Variants in NUDT14 observed in about 807,000 individuals in gnomAD.
The protein encoded by NUDT14 is uridine diphosphate glucose pyrophosphatase NUDT14.
A neutral mutation model predicts 17.5 loss-of-function variants in NUDT14; 22 were observed. The ratio of observed to expected loss-of-function variants is 1.26; its 90% CI spans 0.90 to 1.80. The LOEUF (loss-of-function observed/expected upper bound fraction) is 1.80. Ranked by LOEUF, NUDT14 falls within the 40% of genes most tolerant of loss-of-function variation. The pLI is 0.00. For missense variants in NUDT14, 296 were observed against 295.6 expected, an observed-to-expected ratio of 1.00 and a Z score of -0.01; for synonymous variants, 129 against 125.8, an observed-to-expected ratio of 1.03 and a Z score of -0.17.
chr14:105,177,253 T>C, intron 2 of NUDT14: 2 of 647,130 alleles, frequency 3.1e-6, no homozygotes, highest in East Asian at 5.6e-5. Context: ...GCTGGCAGGA[T>C]GGGAGGCGGG....
At chr14:105,176,390 G>A (rs1264548939) in intron 4 of NUDT14, 144 bp downstream of exon 4, 1 of 720,870 alleles carries the variant, frequency 1.4e-6, no homozygotes. Flanking sequence ...TAGGAGCTGA[G>A]GCGCATTCGG....
In NUDT14 at chr14:105,173,481, C is replaced by T. The variant is rs934320980; in HGVS notation, c.429-220G>A. On this transcript the variant is annotated intron_variant, in intron 4 of 4. Coordinates refer to ENST00000392568, the MANE Select transcript of NUDT14 (RefSeq NM_177533.5). The surrounding 1 kb of genome is among the most constrained non-coding windows in gnomAD (Gnocchi z 4.7). ...CCTTCCCTGATCACGTTGTACTCGCCAGGTGGGGTGGGTGTTGTCGATGTG... is the reference window on the plus strand; with the variant it reads ...CCTTCCCTGATCACGTTGTACTCGCTAGGTGGGGTGGGTGTTGTCGATGTG... The T allele has an allele frequency of 7.6e-5, 32 of 421,188 alleles. No homozygotes were observed. The highest frequency in any genetic ancestry group is 6.1e-4 in the African/African-American group (30 of 49,122). 26.1% of individuals were successfully genotyped at this position (421,188 alleles called of 1,614,324 possible).
At chr14:105,178,872 T>C (rs774110134) in intron 1 of NUDT14, among the ~76,000 whole-genome samples, 1 of 152,108 alleles carries the variant, frequency 6.6e-6, no homozygotes, top group African/African-American at 2.4e-5. Flanking sequence ...AAAGGCGTCC[T>C]GGGAGGAGAG....
intron 4 of NUDT14, chr14:105,175,698 C>G: frequency 1.0e-6 from 1 of 998,740 alleles, no homozygotes. Context: ...CCGTGCCTGG[C>G]CCAGCGTGGA....
chr14:105,173,140 G>C lies in NUDT14; in HGVS notation c.550C>G (p.Leu184Val). 2 of 1,609,732 alleles carry C rather than the reference G, an allele frequency of 1.2e-6. No individual in the cohort carries two copies. The highest frequency in any genetic ancestry group is 1.7e-6 in the Non-Finnish European group (2 of 1,178,656). Residue 184 changes from leucine to valine, a missense_variant, in exon 5 of 5, where the codon CTG becomes GTG. By Grantham distance (32) the Leu-to-Val change is conservative (BLOSUM62 1). Coordinates refer to ENST00000392568, the MANE Select transcript of NUDT14 (RefSeq NM_177533.5). The surrounding 1 kb of genome is among the most constrained non-coding windows in gnomAD (Gnocchi z 4.7). The stretch of plus-strand genomic sequence containing the variant: ...AAGGCCTGGGCGCCTTCCAGGGGCA[G>C]GTGCACCACCTCAATGAGCTCACCC... ...EEGELIEVVHLPLEGAQAFAD... is the reference protein window; with the variant it reads ...EEGELIEVVHVPLEGAQAFAD...
At chr14:105,179,458 C>G (rs1889283346) in intron 1 of NUDT14, among the ~76,000 whole-genome samples, 1 of 152,268 alleles carries the variant, frequency 6.6e-6, no homozygotes, top group Non-Finnish European at 1.5e-5. Flanking sequence ...CCCGAACCAG[C>G]TCAGCTCTGG....
intron 4 of NUDT14, among the ~76,000 whole-genome samples, chr14:105,174,687 C>G (rs587757334): frequency 6.6e-6 from 1 of 152,232 alleles, no homozygotes; most frequent in Non-Finnish European, 1.5e-5. Context: ...TTTCCAGCCC[C>G]GGTTTCCGCC....
chr14:105,176,051 G>GCCT, intron 4 of NUDT14: 4 of 1,192,504 alleles, frequency 3.4e-6, no homozygotes, highest in South Asian at 1.5e-5. Flanking sequence ...ACCCCAGCTG[G>GCCT]CAGCCCTCGC....
At position 105,176,700 on chromosome 14, in the gene NUDT14, C is replaced by T. The variant is rs1019049412; in HGVS notation, c.262G>A (p.Glu88Lys). The part of the protein sequence containing the change: ...LAAVDQDGPR[E>K]LQPALPGSAG... ...GAGCCGGGCAGGGCTGGCTGTAGCT[C>T]CCGAGGCCCGTCCTGGTCTACAGCT... is the stretch of plus-strand genomic sequence containing the variant. The change falls in exon 4 of 5, where the codon GAG becomes AAG. Residue 88 changes from glutamate (E) to lysine (K), a missense_variant. Transcript: ENST00000392568. 1.8e-5 allele frequency: 29 copies of T among 1,612,650 alleles called. No individual in the cohort carries two copies. Among genetic ancestry groups the T allele is most frequent in the Middle Eastern group, 1.6e-4 (1 of 6,084 alleles).
rs916765731 is a variant in NUDT14, at chr14:105,173,430, C to A, written c.429-169G>T. The stretch of plus-strand genomic sequence containing the variant: ...CGGATTCCCACCTGGTGTGCACGCC[C>A]GTGGCCCCTCCCGCAGCAGGGCATC... On this transcript the variant is annotated intron_variant, in intron 4 of 4. Coordinates refer to ENST00000392568, the MANE Select transcript of NUDT14 (RefSeq NM_177533.5). This position sits in a 1 kb window ranked among gnomAD's most constrained non-coding sequence, Gnocchi z 4.7. 8 of 646,792 alleles carry A rather than the reference C, an allele frequency of 1.2e-5. No individual in the cohort carries two copies. In the South Asian group the frequency reaches 3.2e-4, roughly 26 times the overall value. The allele number at this position is 646,792 out of a possible 1,614,324, so 40.1% of individuals were successfully genotyped here. A position where few individuals can be genotyped will look rare whatever the true frequency, so the allele number is the denominator to read the frequency against.
rs1156371035 is a variant in NUDT14, at chr14:105,173,359, C to T, written c.429-98G>A. ...CCAACCCACCCTCTCCACTCTGCTC[C>T]CTCCAGCCCTCCAGTAGGCAGGACT... On this transcript the variant is annotated intron_variant, in intron 4 of 4. Coordinates refer to ENST00000392568, the MANE Select transcript of NUDT14 (RefSeq NM_177533.5). The surrounding 1 kb of genome is among the most constrained non-coding windows in gnomAD (Gnocchi z 4.7). 5 of 1,294,558 alleles carry T rather than the reference C, an allele frequency of 3.9e-6. No homozygotes were observed. Among genetic ancestry groups the T allele is most frequent in the Admixed American group, 3.5e-5 (1 of 28,302 alleles). The allele number at this position is 1,294,558 out of a possible 1,614,324, so 80.2% of individuals were successfully genotyped here. A position where few individuals can be genotyped will look rare whatever the true frequency, so the allele number is the denominator to read the frequency against.
intron 1 of NUDT14, among the ~76,000 whole-genome samples, chr14:105,179,928 GAGGC>G (rs1328661463): frequency 1.3e-5 from 2 of 152,230 alleles, no homozygotes; most frequent in African/African-American, 4.8e-5. Context: ...CTGAGGGAGG[GAGGC>G]AGGCAGGCAG....
intron 2 of NUDT14, 102 bp from the exon 3 acceptor site, chr14:105,177,129 G>T: frequency 2.7e-6 from 3 of 1,111,928 alleles, no homozygotes; most frequent in South Asian, 1.3e-5. Flanking sequence ...CCACCTCCTT[G>T]CCAGCAGCCC....
intron 1 of NUDT14, among the ~76,000 whole-genome samples, chr14:105,179,362 G>A (rs1889281323): frequency 6.6e-6 from 1 of 152,214 alleles, no homozygotes; most frequent in Non-Finnish European, 1.5e-5. Context: ...GCCCCTGGGT[G>A]GCAGCCAGCG....
chr14:105,173,160 T>A lies in NUDT14; in HGVS notation c.530A>T (p.Glu177Val). The A allele has an allele frequency of 2.5e-6, 4 of 1,610,626 alleles. No homozygotes were observed. Among genetic ancestry groups the A allele is most frequent in the Non-Finnish European group, 3.4e-6 (4 of 1,179,156 alleles). The change falls in exon 5 of 5, where the codon GAG becomes GTG. Residue 177 changes from glutamate (E) to valine (V), a missense_variant. Glu to Val is a moderately radical substitution (Grantham distance 121). Coordinates refer to ENST00000392568, the MANE Select transcript of NUDT14 (RefSeq NM_177533.5). The surrounding 1 kb of genome is among the most constrained non-coding windows in gnomAD (Gnocchi z 4.7). ...GPGGGLVEEG[E>V]LIEVVHLPLE... The stretch of plus-strand genomic sequence containing the variant: ...GGGCAGGTGCACCACCTCAATGAGC[T>A]CACCCTCCTCCACCAGGCCCCCACC...
At chr14:105,174,971 T>C (rs1036355593) in intron 4 of NUDT14, among the ~76,000 whole-genome samples, 1 of 152,190 alleles carries the variant, frequency 6.6e-6, no homozygotes, top group African/African-American at 2.4e-5. Context: ...ACGGACACCC[T>C]GACCCCTAGT....
chr14:105,173,161 C>G lies in NUDT14; in HGVS notation c.529G>C (p.Glu177Gln). ...GPGGGLVEEGELIEVVHLPLE... is the reference protein window; with the variant it reads ...GPGGGLVEEGQLIEVVHLPLE... ...GGCAGGTGCACCACCTCAATGAGCT[C>G]ACCCTCCTCCACCAGGCCCCCACCT... Residue 177 changes from glutamate to glutamine, a missense_variant, in exon 5 of 5, where the codon GAG becomes CAG. By Grantham distance (29) the Glu-to-Gln change is conservative. Transcript: ENST00000392568. This position sits in a 1 kb window ranked among gnomAD's most constrained non-coding sequence, Gnocchi z 4.7. The G allele has an allele frequency of 6.2e-7, 1 of 1,610,900 alleles. No homozygotes were observed. The highest frequency in any genetic ancestry group is 8.5e-7 in the Non-Finnish European group (1 of 1,179,226).
rs1461467403 is a variant in NUDT14, at chr14:105,173,381, G to A, written c.429-120C>T. On this transcript the variant is annotated intron_variant, in intron 4 of 4. Coordinates refer to ENST00000392568, the MANE Select transcript of NUDT14 (RefSeq NM_177533.5). This position sits in a 1 kb window ranked among gnomAD's most constrained non-coding sequence, Gnocchi z 4.7. ...CTCCCTCCAGCCCTCCAGTAGGCAG[G>A]ACTCTGGGATGCCCTCTCCCACCCG... is the stretch of plus-strand genomic sequence containing the variant. 1 of 1,191,032 alleles carries A rather than the reference G, an allele frequency of 8.4e-7. No homozygotes were observed. The highest frequency in any genetic ancestry group is 3.1e-5 in the East Asian group (1 of 32,476). 73.8% of individuals were successfully genotyped at this position (1,191,032 alleles called of 1,614,324 possible).
chr14:105,180,194 T>C (rs1490548579), intron 1 of NUDT14, among the ~76,000 whole-genome samples: 2 of 152,180 alleles, frequency 1.3e-5, no homozygotes, highest in African/African-American at 4.8e-5. Context: ...ACCCAACACA[T>C]ATGCCTCATG....
Sources: gnomAD v4.1 joint callset for allele counts (sites outside exome capture counted in the v4.1 genomes callset) on GRCh38, gnomAD v4.1.1 for gene constraint, Gnocchi (gnomAD v3.1) non-coding constraint, MANE v1.5 for transcripts, NCBI Gene and HGNC (gene_info 2026-07-23, HGNC 2026-07-21) for gene names.